NTM: variants seen among roughly 807,000 people sequenced by gnomAD.
The protein encoded by NTM is neurotrimin, also known as IgLON family member 2.
Under a neutral mutation model 42.1 loss-of-function variants are expected in NTM, and 13 were observed. That is an observed-to-expected ratio of 0.31 (90% CI 0.20 to 0.49). The LOEUF is 0.49. Ranked by LOEUF, NTM falls within the 20% of genes least tolerant of loss-of-function variation. The pLI is 0.99. For synonymous variants in NTM, 187 were observed against 179.2 expected (o/e 1.04, Z -0.35); for missense variants, 373 against 452.8 (o/e 0.82, Z 1.60).
chr11:131,494,115 C>T (rs941962884), intron 1 of NTM, among the ~76,000 whole-genome samples: 23 of 152,158 alleles, frequency 1.5e-4, no homozygotes, highest in African/African-American at 5.3e-4. Flanking sequence ...CTTATATATC[C>T]TTTAAGGTTA....
intron 7 of NTM, among the ~76,000 whole-genome samples, chr11:132,315,503 G>A (rs1279994878): frequency 6.6e-6 from 1 of 152,166 alleles, no homozygotes; most frequent in Non-Finnish European, 1.5e-5. Context: ...ACCCCATCAA[G>A]TTCTTTGAGC....
At chr11:131,819,071 A>C (rs537408090) in intron 1 of NTM, among the ~76,000 whole-genome samples, 1 of 152,252 alleles carries the variant, frequency 6.6e-6, no homozygotes, top group African/African-American at 2.4e-5. Flanking sequence ...TGCAAAGCTA[A>C]ATTCTGGCAG....
At chr11:132,024,592 G>C (rs970853629) in intron 2 of NTM, among the ~76,000 whole-genome samples, 1 of 152,130 alleles carries the variant, frequency 6.6e-6, no homozygotes, top group Non-Finnish European at 1.5e-5. Context: ...GGAACCCGTG[G>C]ATAAGGAGGG....
At chr11:131,570,615 G>A (rs370376626) in intron 1 of NTM, among the ~76,000 whole-genome samples, 6 of 152,126 alleles carry the variant, frequency 3.9e-5, no homozygotes, top group African/African-American at 1.2e-4. Context: ...ATGAAGTCAA[G>A]AGATCGAGAG....
chr11:131,795,054 CA>C, intron 1 of NTM: 4 of 835,912 alleles, frequency 4.8e-6, no homozygotes, highest in Non-Finnish European at 5.8e-6. Flanking sequence ...GGGAAAAAAA[CA>C]GCACTAGTGA....
At chr11:132,267,432 A>G (rs1278374887) in intron 4 of NTM, among the ~76,000 whole-genome samples, 2 of 150,742 alleles carry the variant, frequency 1.3e-5, no homozygotes, top group African/African-American at 2.4e-5. Flanking sequence ...CCCATAGTTG[A>G]TGGGTTTCAA....
At chr11:132,031,190 C>A (rs1423403357) in intron 2 of NTM, among the ~76,000 whole-genome samples, 1 of 152,226 alleles carries the variant, frequency 6.6e-6, no homozygotes, top group African/African-American at 2.4e-5. Flanking sequence ...GTTATTCAAT[C>A]TACCACACAA....
intron 7 of NTM, among the ~76,000 whole-genome samples, chr11:132,318,327 G>T (rs1467246612): frequency 6.6e-6 from 1 of 152,150 alleles, no homozygotes; most frequent in East Asian, 1.9e-4. Context: ...GTACAGAGTT[G>T]TTCCAACAGT....
intron 1 of NTM, among the ~76,000 whole-genome samples, chr11:131,887,691 T>G (rs2050623721): frequency 6.6e-6 from 1 of 152,238 alleles, no homozygotes; most frequent in Non-Finnish European, 1.5e-5. Flanking sequence ...TTTGCTCCCA[T>G]CGCACTGTAG....
chr11:131,691,447 C>G (rs892183582), intron 1 of NTM, among the ~76,000 whole-genome samples: 1 of 152,198 alleles, frequency 6.6e-6, no homozygotes, highest in South Asian at 2.1e-4. Flanking sequence ...CTGGCCGAGC[C>G]GAGAGCCGCG....
intron 2 of NTM, among the ~76,000 whole-genome samples, chr11:132,023,699 TTTG>T (rs974792793): frequency 4.0e-5 from 6 of 151,762 alleles, no homozygotes; most frequent in Admixed American, 2.0e-4. Context: ...GAAGATATGC[TTTG>T]TTGTTGTTGT....
At chr11:131,775,342 G>T (rs925336100) in intron 1 of NTM, among the ~76,000 whole-genome samples, 4 of 152,092 alleles carry the variant, frequency 2.6e-5, no homozygotes, top group Non-Finnish European at 5.9e-5. Context: ...TTATTCACTT[G>T]GTTTTCGTTT....
At chr11:131,444,345 G>T (rs577815952) in intron 1 of NTM, among the ~76,000 whole-genome samples, 5 of 152,070 alleles carry the variant, frequency 3.3e-5, no homozygotes, top group Non-Finnish European at 5.9e-5. Context: ...TATGGAAAGA[G>T]AAAGAAAAGG....
At chr11:132,094,335 C>A (rs2136448971) in intron 2 of NTM, among the ~76,000 whole-genome samples, 1 of 152,328 alleles carries the variant, frequency 6.6e-6, no homozygotes, top group South Asian at 2.1e-4. Context: ...GTCTTGTGCT[C>A]TTCCTAGGGC....
intron 1 of NTM, among the ~76,000 whole-genome samples, chr11:131,489,552 G>A (rs1954545116): frequency 6.6e-6 from 1 of 152,174 alleles, no homozygotes; most frequent in Non-Finnish European, 1.5e-5. Context: ...ACATTGCCTT[G>A]AATCTTCTAG....
intron 1 of NTM, among the ~76,000 whole-genome samples, chr11:131,400,115 C>T (rs534795460): frequency 6.6e-6 from 1 of 151,984 alleles, no homozygotes; most frequent in African/African-American, 2.4e-5. Context: ...CCCTACCCAC[C>T]CCCCATCAGC....
At chr11:131,795,530 C>T (rs925294070) in intron 1 of NTM, 3 of 985,402 alleles carry the variant, frequency 3.0e-6, no homozygotes, top group Non-Finnish European at 3.6e-6. Flanking sequence ...GTCTCATAGC[C>T]AGACACTGCT....
intron 1 of NTM, among the ~76,000 whole-genome samples, chr11:131,696,563 C>T (rs368451353): frequency 3.9e-5 from 6 of 152,122 alleles, no homozygotes; most frequent in South Asian, 2.1e-4. Flanking sequence ...TTTCGTACAC[C>T]CTGTAGCTAA....
intron 2 of NTM, among the ~76,000 whole-genome samples, chr11:131,927,610 C>G (rs1395507603): frequency 1.3e-5 from 2 of 152,228 alleles, no homozygotes; most frequent in Admixed American, 1.3e-4. Context: ...CCTTTAAGCA[C>G]ACAGTTTCAA....
Sources: gnomAD v4.1 joint callset for allele counts (sites outside exome capture counted in the v4.1 genomes callset) on GRCh38, gnomAD v4.1.1 for gene constraint, MANE v1.5 for transcripts, NCBI Gene and HGNC (gene_info 2026-07-23, HGNC 2026-07-21) for gene names.